The following UPP2 variants were observed in gnomAD, a reference collection of about 807,000 sequenced individuals.
The protein encoded by UPP2 is uridine phosphorylase 2.
UPP2 carries 23 observed loss-of-function variants against 26.7 expected under a neutral mutation model. The ratio of observed to expected loss-of-function variants is 0.86; its 90% CI spans 0.62 to 1.22. The LOEUF (loss-of-function observed/expected upper bound fraction) is 1.22. UPP2 is among the 50% of genes most tolerant of loss of function. The probability of loss-of-function intolerance (pLI) is 0.00; values close to 1 mark genes in which losing one functional copy is unlikely to be tolerated. For synonymous variants in UPP2, 127 were observed against 141.3 expected (o/e 0.90, Z 0.72); for missense variants, 387 against 396.7 (o/e 0.98, Z 0.21).
At chr2:158,062,291 C>T (rs960052095) in intron 3 of UPP2, among the ~76,000 whole-genome samples, 3 of 152,148 alleles carry the variant, frequency 2.0e-5, no homozygotes, top group African/African-American at 7.2e-5. Context: ...TTTTAAATTA[C>T]ATTTAAGCTT....
intron 3 of UPP2, among the ~76,000 whole-genome samples, chr2:158,069,591 C>A (rs977979597): frequency 6.6e-6 from 1 of 152,116 alleles, no homozygotes; most frequent in Non-Finnish European, 1.5e-5. Flanking sequence ...CCCCTAGAAC[C>A]CTTTGTGTTC....
intron 2 of UPP2, among the ~76,000 whole-genome samples, chr2:158,002,092 A>G (rs752787839): frequency 3.0e-4 from 46 of 152,224 alleles, no homozygotes; most frequent in South Asian, 6.2e-4. Flanking sequence ...CCAATATAAA[A>G]TTCACCTCAT....
chr2:158,009,399 A>G (rs1160016474), intron 2 of UPP2, among the ~76,000 whole-genome samples: 1 of 152,236 alleles, frequency 6.6e-6, no homozygotes, highest in East Asian at 1.9e-4. Flanking sequence ...AATTTCAGAA[A>G]GAAACCCTTA....
intron 6 of UPP2, among the ~76,000 whole-genome samples, chr2:158,124,389 A>G (rs1471908046): frequency 6.6e-6 from 1 of 152,178 alleles, no homozygotes; most frequent in African/African-American, 2.4e-5. Flanking sequence ...GGAAGAGATC[A>G]GGAGGGGAGA....
chr2:158,062,973 T>A (rs1682376165), intron 3 of UPP2, among the ~76,000 whole-genome samples: 1 of 152,184 alleles, frequency 6.6e-6, no homozygotes, highest in Non-Finnish European at 1.5e-5. Context: ...AAGTACCCAA[T>A]CTGCTCCCCT....
At chr2:158,059,940 T>C (rs775188280) in intron 3 of UPP2, among the ~76,000 whole-genome samples, 2 of 152,134 alleles carry the variant, frequency 1.3e-5, no homozygotes, top group Non-Finnish European at 2.9e-5. Context: ...CATCAAGATG[T>C]TGGGAGAATG....
chr2:158,122,481 A>G (rs1386623459), intron 5 of UPP2, among the ~76,000 whole-genome samples: 1 of 152,030 alleles, frequency 6.6e-6, no homozygotes, highest in Non-Finnish European at 1.5e-5. Flanking sequence ...TTGGGGTCCA[A>G]TAGGGTTGGG....
intron 2 of UPP2, among the ~76,000 whole-genome samples, chr2:158,001,471 T>C (rs183371517): frequency 6.6e-6 from 1 of 152,230 alleles, no homozygotes; most frequent in African/African-American, 2.4e-5. Flanking sequence ...GCTCTCACTA[T>C]TCTACCCTCT....
At chr2:158,063,207 C>T (rs553505892) in intron 3 of UPP2, among the ~76,000 whole-genome samples, 2 of 152,162 alleles carry the variant, frequency 1.3e-5, no homozygotes, top group Non-Finnish European at 2.9e-5. Context: ...TCTTTCCCTG[C>T]TTTACTTTTC....
chr2:158,062,754 G>T (rs185841651), intron 3 of UPP2, among the ~76,000 whole-genome samples: 1 of 152,122 alleles, frequency 6.6e-6, no homozygotes, highest in Non-Finnish European at 1.5e-5. Flanking sequence ...TTATTTTCCC[G>T]TCAGAGGACT....
intron 3 of UPP2, among the ~76,000 whole-genome samples, chr2:158,078,551 T>C (rs1228600960): frequency 6.6e-6 from 1 of 152,148 alleles, no homozygotes; most frequent in Non-Finnish European, 1.5e-5. Flanking sequence ...ACATCACACT[T>C]CACTTATTTG....
intron 1 of UPP2, among the ~76,000 whole-genome samples, chr2:158,103,156 T>C (rs1230575162): frequency 6.6e-6 from 1 of 152,172 alleles, no homozygotes; most frequent in Non-Finnish European, 1.5e-5. Flanking sequence ...CCCAAACAAG[T>C]TTTTTCTTTG....
intron 3 of UPP2, among the ~76,000 whole-genome samples, chr2:158,056,119 G>T (rs1003590312): frequency 3.9e-5 from 6 of 152,026 alleles, no homozygotes; most frequent in Admixed American, 2.0e-4. Context: ...CTACACAAAG[G>T]CAGATGGTTT....
chr2:158,078,232 G>T (rs1032954194), intron 3 of UPP2, among the ~76,000 whole-genome samples: 54 of 152,178 alleles, frequency 3.5e-4, no homozygotes, highest in African/African-American at 1.3e-3. Context: ...TGTTTCCTCA[G>T]AAAACAGTAA....
At position 158,115,163 on chromosome 2, in the gene UPP2, G is replaced by C; in HGVS notation, c.243G>C (p.Glu81Asp). 2.5e-6 allele frequency: 4 copies of C among 1,613,766 alleles called. No homozygotes were observed. Among genetic ancestry groups the C allele is most frequent in the Non-Finnish European group, 3.4e-6 (4 of 1,179,900 alleles). The change falls in exon 3 of 7, where the codon GAG becomes GAC. Residue 81 changes from glutamate to aspartate, a missense_variant. Glu to Asp is a conservative substitution (Grantham distance 45). Coordinates refer to ENST00000005756, the MANE Select transcript of UPP2 (RefSeq NM_173355.4). Reference protein sequence around the residue: ...MKAFALFMHKELGFEEAEEDI... With the variant: ...MKAFALFMHKDLGFEEAEEDI... Reference sequence around the variant, plus strand: ...CATTTGCACTGTTTATGCACAAGGAGCTCGGGTTTGAGGAAGCTGAAGAAG... The same window carrying C: ...CATTTGCACTGTTTATGCACAAGGACCTCGGGTTTGAGGAAGCTGAAGAAG...
chr2:158,045,255 T>C (rs931802305), intron 3 of UPP2, among the ~76,000 whole-genome samples: 5 of 152,170 alleles, frequency 3.3e-5, no homozygotes, highest in Non-Finnish European at 7.3e-5. Flanking sequence ...TGATACCCTT[T>C]CTATCTAATA....
At chr2:158,023,090 G>A (rs775361311) in intron 3 of UPP2, among the ~76,000 whole-genome samples, 12 of 150,464 alleles carry the variant, frequency 8.0e-5, no homozygotes, top group Non-Finnish European at 1.8e-4. Flanking sequence ...AGCAGGAAGT[G>A]GGTTCAGAGA....
upstream of UPP2, among the ~76,000 whole-genome samples, chr2:158,098,180 T>C (rs191322110): frequency 6.6e-6 from 1 of 152,074 alleles, no homozygotes; most frequent in African/African-American, 2.4e-5. Flanking sequence ...GAGGGTCTCC[T>C]CTTTTAATTA....
chr2:158,062,906 T>A (rs1574269813), intron 3 of UPP2, among the ~76,000 whole-genome samples: 2 of 152,266 alleles, frequency 1.3e-5, no homozygotes, highest in East Asian at 3.9e-4. Flanking sequence ...TATGCTCAGA[T>A]TCAATGCACA....
Sources: gnomAD v4.1 joint callset for allele counts (sites outside exome capture counted in the v4.1 genomes callset) on GRCh38, gnomAD v4.1.1 for gene constraint, MANE v1.5 for transcripts, NCBI Gene and HGNC (gene_info 2026-07-23, HGNC 2026-07-21) for gene names.